The following PTGER4 variants were observed in gnomAD, a reference collection of about 807,000 sequenced individuals.
PTGER4 encodes prostaglandin E receptor 4, also known as prostaglandin E2 receptor EP4 subtype.
A neutral mutation model predicts 33.2 loss-of-function variants in PTGER4; 11 were observed. That is an observed-to-expected ratio of 0.33 (90% CI 0.21 to 0.55). The LOEUF is 0.55. Ranked by LOEUF, PTGER4 falls within the 20% of genes least tolerant of loss-of-function variation. The pLI, the probability that PTGER4 is intolerant of heterozygous loss-of-function variation, is 0.92. For missense variants in PTGER4, 481 were observed against 650.2 expected (o/e 0.74, Z 2.83); for synonymous variants, 275 against 281.5 (o/e 0.98, Z 0.23).
chr5:40,718,938 A>G, the PTGER4 span, among the ~76,000 whole-genome samples: 1 of 152,248 alleles, frequency 6.6e-6, no homozygotes. Flanking sequence ...TTAAGGTACC[A>G]TGGGAATTGT....
the PTGER4 span, among the ~76,000 whole-genome samples, chr5:40,722,763 G>A: frequency 1.5e-4 from 23 of 151,322 alleles, no homozygotes; most frequent in East Asian, 1.4e-3. Flanking sequence ...CAGACGCCCC[G>A]TCCCGGAGGT....
At chr5:40,682,683 G>A (rs934117129) in intron 2 of PTGER4, among the ~76,000 whole-genome samples, 1 of 152,178 alleles carries the variant, frequency 6.6e-6, no homozygotes, top group East Asian at 1.9e-4. Context: ...ACAACTGTGC[G>A]AGGTACAGTA....
At chr5:40,717,008 C>G in the PTGER4 span, among the ~76,000 whole-genome samples, 1 of 152,036 alleles carries the variant, frequency 6.6e-6, no homozygotes, top group Non-Finnish European at 1.5e-5. Context: ...GTGGGCGGAT[C>G]ACCTGAGGTC....
At chr5:40,714,101 G>C in the PTGER4 span, among the ~76,000 whole-genome samples, 3 of 152,144 alleles carry the variant, frequency 2.0e-5, no homozygotes, top group African/African-American at 4.8e-5. Flanking sequence ...TCTTATAACA[G>C]GGCCTAGTGG....
rs758265524 is a variant in PTGER4, at chr5:40,681,910, T to C, written c.867+50T>C. 24 of 1,471,384 alleles carry C rather than the reference T, an allele frequency of 1.6e-5. No individual in the cohort carries two copies. Among genetic ancestry groups the C allele is most frequent in the Non-Finnish European group, 2.2e-5 (24 of 1,114,602 alleles). The allele number at this position is 1,471,384 out of a possible 1,614,324, so 91.1% of individuals were successfully genotyped here. A position where few individuals can be genotyped will look rare whatever the true frequency, so the allele number is the denominator to read the frequency against. ...ACTCGGCCTTTTTCTCGCATCCACC[T>C]CCCGCGTCCATTCCCCGCTCCCTGC... On this transcript the variant is annotated intron_variant, in intron 2 of 2. Transcript: ENST00000302472. The surrounding 1 kb of genome is among the most constrained non-coding windows in gnomAD (Gnocchi z 9.8).
intron 2 of PTGER4, among the ~76,000 whole-genome samples, chr5:40,689,615 C>T (rs938136415): frequency 6.6e-6 from 1 of 152,134 alleles, no homozygotes; most frequent in Non-Finnish European, 1.5e-5. Flanking sequence ...TGTGAACTGA[C>T]TCAGCCTCAA....
intron 2 of PTGER4, among the ~76,000 whole-genome samples, chr5:40,689,377 A>G (rs1180085208): frequency 6.6e-6 from 1 of 152,220 alleles, no homozygotes; most frequent in Non-Finnish European, 1.5e-5. Flanking sequence ...ATCATCCAGG[A>G]GTAAGTTTAA....
the PTGER4 span, among the ~76,000 whole-genome samples, chr5:40,722,206 A>G: frequency 6.6e-6 from 1 of 151,746 alleles, no homozygotes; most frequent in African/African-American, 2.4e-5. Flanking sequence ...CTCTGTCTCA[A>G]CTCGCTCACT....
the PTGER4 span, among the ~76,000 whole-genome samples, chr5:40,745,170 C>T: frequency 1.3e-5 from 2 of 152,138 alleles, 1 homozygote; most frequent in South Asian, 4.1e-4. Flanking sequence ...CAAATATAAT[C>T]TGTGAACTCC....
In PTGER4 at chr5:40,691,342, C is replaced by A. The variant is rs916737981; in HGVS notation, c.868-437C>A. Among the ~76,000 whole-genome samples the A allele has an allele frequency of 6.6e-6, 1 of 152,206 alleles. No homozygotes were observed. The highest frequency in any genetic ancestry group is 1.9e-4 in the East Asian group (1 of 5,192). On this transcript the variant is annotated intron_variant, in intron 2 of 2. Transcript: ENST00000302472. The surrounding 1 kb of genome is among the most constrained non-coding windows in gnomAD (Gnocchi z 4.2). ...GACTACAGGCGCATGCCACCACACC[C>A]AGCTAATTTTTGTATTTTTAGTAGA...
chr5:40,697,222 G>GAAGAA (rs1741622217), downstream of PTGER4, among the ~76,000 whole-genome samples: 3 of 77,302 alleles, frequency 3.9e-5, no homozygotes, highest in African/African-American at 1.4e-4. Context: ...GAAAAAGAAA[G>GAAGAA]AAGAAAAGAA....
At chr5:40,738,435 TATAAAATAAAATACAATACA>T in the PTGER4 span, among the ~76,000 whole-genome samples, 3 of 83,770 alleles carry the variant, frequency 3.6e-5, no homozygotes, top group African/African-American at 1.3e-4. Flanking sequence ...TAAAATAAAA[TATAAAATAAAATACAATACA>T]ATACAATACA....
At chr5:40,742,755 G>C in the PTGER4 span, among the ~76,000 whole-genome samples, 4 of 152,300 alleles carry the variant, frequency 2.6e-5, no homozygotes, top group Admixed American at 2.6e-4. Context: ...TCATTCGGGA[G>C]GAGGGTGAGA....
At chr5:40,685,461 C>T in intron 2 of PTGER4, 1 of 985,242 alleles carries the variant, frequency 1.0e-6, no homozygotes, top group Non-Finnish European at 1.2e-6. Context: ...TCTATACATA[C>T]AAGAGAAATG....
chr5:40,691,937 G>A lies in PTGER4; in HGVS notation c.1026G>A (p.Glu342=), dbSNP rs748525419. 2.5e-6 allele frequency: 4 copies of A among 1,614,262 alleles called. No homozygotes were observed. The East Asian group carries it at 8.9e-5, about 36-fold the overall frequency. The stretch of plus-strand genomic sequence containing the variant: ...AGACAGTGCTCAGTAAAGCAATAGA[G>A]AAGATCAAATGCCTCTTCTGCCGCA... The part of the protein sequence containing the change: ...LRKTVLSKAI[E]KIKCLFCRIG... The change falls in exon 3 of 3, where the codon GAG becomes GAA. Residue 342 remains glutamate, a synonymous_variant. Transcript: ENST00000302472. The surrounding 1 kb of genome is among the most constrained non-coding windows in gnomAD (Gnocchi z 4.2).
downstream of PTGER4, among the ~76,000 whole-genome samples, chr5:40,697,092 A>G (rs567680857): frequency 3.5e-3 from 259 of 74,626 alleles, 3 homozygotes; most frequent in African/African-American, 0.015. Flanking sequence ...GAAGGAAAGA[A>G]AGAGAAAAGA....
At chr5:40,736,318 G>T in the PTGER4 span, among the ~76,000 whole-genome samples, 1 of 152,084 alleles carries the variant, frequency 6.6e-6, no homozygotes, top group Non-Finnish European at 1.5e-5. Flanking sequence ...GCAGAATGTG[G>T]GTCACACAGC....
In PTGER4 at chr5:40,692,173, T is replaced by C; in HGVS notation, c.1262T>C (p.Met421Thr). 1.2e-6 allele frequency: 2 copies of C among 1,614,246 alleles called. No individual in the cohort carries two copies. The highest frequency in any genetic ancestry group is 1.7e-6 in the Non-Finnish European group (2 of 1,180,044). The change falls in exon 3 of 3, where the codon ATG becomes ACG. Residue 421 changes from methionine (M) to threonine (T), a missense_variant. Around this residue, in one of 7 missense-constraint regions of PTGER4, gnomAD observed 172 missense variants for 199.2 expected, o/e 0.86. Coordinates refer to ENST00000302472, the MANE Select transcript of PTGER4 (RefSeq NM_000958.3). ...GRNLLPGVPG[M>T]GLAQEDTTSL... is the part of the protein sequence containing the mutation. The stretch of plus-strand genomic sequence containing the variant: ...AATTTGCTTCCAGGTGTGCCTGGCA[T>C]GGGCCTGGCCCAGGAAGACACCACC...
the PTGER4 span, among the ~76,000 whole-genome samples, chr5:40,707,304 C>T: frequency 1.3e-4 from 20 of 152,070 alleles, no homozygotes; most frequent in Non-Finnish European, 2.6e-4. Flanking sequence ...TGCAGAGACA[C>T]ACATAGGCTC....
Sources: gnomAD v4.1 joint callset for allele counts (sites outside exome capture counted in the v4.1 genomes callset) on GRCh38, gnomAD v4.1.1 for gene constraint, gnomAD v4.1.1 regional missense constraint, Gnocchi (gnomAD v3.1) non-coding constraint, MANE v1.5 for transcripts, NCBI Gene and HGNC (gene_info 2026-07-23, HGNC 2026-07-21) for gene names.